GABRA2: variants seen among roughly 807,000 people sequenced by gnomAD.
GABRA2 encodes the protein gamma-aminobutyric acid receptor subunit alpha-2.
A neutral mutation model predicts 48.7 loss-of-function variants in GABRA2; 16 were observed. The observed-to-expected ratio is 0.33, with a 90% CI of 0.22 to 0.50. GABRA2 has a LOEUF of 0.50. GABRA2 is among the 20% of genes least tolerant of loss of function. The pLI, the probability that GABRA2 is intolerant of heterozygous loss-of-function variation, is 0.98. For synonymous variants in GABRA2, 185 were observed against 184.5 expected (o/e 1.00, Z -0.02); for missense variants, 275 against 535.6 (o/e 0.51, Z 4.80).
chr4:46,339,161 T>A (rs187228396), intron 3 of GABRA2, among the ~76,000 whole-genome samples: 4 of 152,016 alleles, frequency 2.6e-5, no homozygotes, highest in Admixed American at 2.6e-4. Context: ...CTGTTTGCCA[T>A]ATATATCTAC....
rs569927060 is a variant in GABRA2 at position 46,316,490 on chromosome 4, C to A, written c.256-3774G>T. On this transcript the variant is annotated intron_variant, in intron 4 of 9. Coordinates refer to ENST00000381620, the MANE Select transcript of GABRA2 (RefSeq NM_000807.4). ...CATGGGCTGTAGTATGCTGACACTG[C>A]CCTAGACTAAATCTGTAAGTAAGAT... Among the ~76,000 whole-genome samples, 109 of 152,032 alleles carry A rather than the reference C, an allele frequency of 7.2e-4. 3 individuals are homozygous for A. In the South Asian group the frequency reaches 0.017, roughly 24 times the overall value.
At chr4:46,330,591 T>TATATATATAG (rs1411755120) in intron 4 of GABRA2, among the ~76,000 whole-genome samples, 4 of 122,692 alleles carry the variant, frequency 3.3e-5, no homozygotes, top group African/African-American at 5.6e-5. Context: ...TATATATATA[T>TATATATATAG]AGAGAGAGAG....
chr4:46,252,384 T>C (rs1047146742), intron 9 of GABRA2, among the ~76,000 whole-genome samples: 1 of 151,526 alleles, frequency 6.6e-6, no homozygotes, highest in African/African-American at 2.4e-5. Flanking sequence ...CGAACACTTT[T>C]TGAGCACTAG....
intron 4 of GABRA2, among the ~76,000 whole-genome samples, chr4:46,329,831 C>A (rs1731029872): frequency 1.3e-5 from 2 of 151,826 alleles, no homozygotes; most frequent in Non-Finnish European, 2.9e-5. Context: ...TGTTGGCAAG[C>A]CTGACTAAAT....
intron 9 of GABRA2, chr4:46,256,481 T>A: frequency 2.5e-6 from 1 of 399,306 alleles, no homozygotes; most frequent in Middle Eastern, 6.4e-4. Flanking sequence ...AATAAAACAT[T>A]TGTTTTTTCA....
chr4:46,268,989 T>C (rs113263777), intron 8 of GABRA2, among the ~76,000 whole-genome samples: 165 of 151,926 alleles, frequency 1.1e-3, no homozygotes, highest in Non-Finnish European at 1.4e-3. Context: ...TCTAAAGCAA[T>C]TGAACTCATA....
At chr4:46,271,490 C>A (rs1719324275) in intron 8 of GABRA2, among the ~76,000 whole-genome samples, 1 of 151,942 alleles carries the variant, frequency 6.6e-6, no homozygotes, top group Admixed American at 6.6e-5. Flanking sequence ...CAAATACAAC[C>A]TCAGCATACT....
chr4:46,298,402 TATGC>T (rs1237347275), intron 8 of GABRA2, among the ~76,000 whole-genome samples: 3 of 152,084 alleles, frequency 2.0e-5, no homozygotes, highest in Non-Finnish European at 4.4e-5. Flanking sequence ...CAGTTCTGTA[TATGC>T]ATGGGTGTAT....
intron 4 of GABRA2, among the ~76,000 whole-genome samples, chr4:46,322,687 C>T (rs1729660780): frequency 6.6e-6 from 1 of 151,992 alleles, no homozygotes; most frequent in Non-Finnish European, 1.5e-5. Flanking sequence ...CTACTTGGAA[C>T]ATAGGAAATA....
At position 46,289,919 on chromosome 4, in the gene GABRA2, T is replaced by TA. The variant is rs1723288502; in HGVS notation, c.856+13540_856+13541insT. Among the ~76,000 whole-genome samples, 5 of 126,124 alleles carry TA rather than the reference T, an allele frequency of 4.0e-5. No individual in the cohort carries two copies. In the South Asian group the frequency reaches 8.5e-4, roughly 21 times the overall value. The allele number at this position is 126,124 out of a possible 152,430, so 82.7% of individuals were successfully genotyped here. A position where few individuals can be genotyped will look rare whatever the true frequency, so the allele number is the denominator to read the frequency against. On this transcript the variant is annotated intron_variant, in intron 8 of 9. Transcript: ENST00000381620. ...TATTTATTTATTTATTTTTATTTTTTTTTTTTTTTTGAGACTGAGTCGGGC... is the reference window on the plus strand; with the variant it reads ...TATTTATTTATTTATTTTTATTTTTTATTTTTTTTTTGAGACTGAGTCGGGC...
At chr4:46,330,707 T>C (rs181368782) in intron 4 of GABRA2, among the ~76,000 whole-genome samples, 3 of 151,748 alleles carry the variant, frequency 2.0e-5, no homozygotes, top group Admixed American at 2.0e-4. Flanking sequence ...AAAACTACAA[T>C]ATTGAAAATG....
At chr4:46,315,767 A>G (rs982030573) in intron 4 of GABRA2, among the ~76,000 whole-genome samples, 5 of 151,932 alleles carry the variant, frequency 3.3e-5, no homozygotes, top group African/African-American at 1.2e-4. Context: ...TATAAAGAAT[A>G]TTACAAACAC....
intron 4 of GABRA2, among the ~76,000 whole-genome samples, chr4:46,320,503 T>A (rs1348855091): frequency 1.3e-5 from 2 of 151,898 alleles, no homozygotes; most frequent in African/African-American, 4.8e-5. Context: ...GGTAGCCTTA[T>A]GGATTGGGAG....
intron 8 of GABRA2, among the ~76,000 whole-genome samples, chr4:46,265,463 A>ATTG (rs1717988192): frequency 8.0e-6 from 1 of 124,906 alleles, no homozygotes; most frequent in African/African-American, 3.4e-5. Context: ...TATATAATAT[A>ATTG]TATATAATAT....
intron 3 of GABRA2, among the ~76,000 whole-genome samples, chr4:46,382,317 T>C (rs926600338): frequency 6.6e-6 from 1 of 151,726 alleles, no homozygotes; most frequent in African/African-American, 2.4e-5. Flanking sequence ...GTTGACCTCG[T>C]TGAGAAGGTG....
At chr4:46,358,825 T>C (rs889624099) in intron 3 of GABRA2, among the ~76,000 whole-genome samples, 5 of 152,218 alleles carry the variant, frequency 3.3e-5, no homozygotes, top group African/African-American at 1.2e-4. Context: ...TGCACTAACT[T>C]GGCTACTTGG....
chr4:46,350,524 T>G (rs1041126895), intron 3 of GABRA2, among the ~76,000 whole-genome samples: 2 of 151,844 alleles, frequency 1.3e-5, no homozygotes, highest in Admixed American at 1.3e-4. Flanking sequence ...TACCTGTATA[T>G]AAATACACAT....
chr4:46,289,036 A>G (rs1030098407), intron 8 of GABRA2, among the ~76,000 whole-genome samples: 3 of 152,186 alleles, frequency 2.0e-5, no homozygotes, highest in African/African-American at 7.2e-5. Flanking sequence ...AATGGCTATT[A>G]TTAAAAAGAC....
chr4:46,324,054 A>T (rs183181023), intron 4 of GABRA2, among the ~76,000 whole-genome samples: 1 of 151,816 alleles, frequency 6.6e-6, no homozygotes, highest in East Asian at 1.9e-4. Flanking sequence ...TCCTCTCTTC[A>T]ACCACGCTGC....
Sources: gnomAD v4.1 joint callset for allele counts (sites outside exome capture counted in the v4.1 genomes callset) on GRCh38, gnomAD v4.1.1 for gene constraint, MANE v1.5 for transcripts, NCBI Gene and HGNC (gene_info 2026-07-23, HGNC 2026-07-21) for gene names.